Variants in TMEM38B observed in about 807,000 individuals in gnomAD.
TMEM38B encodes the protein transmembrane protein 38B, also known as trimeric intracellular cation channel type B.
Under a neutral mutation model 28.7 loss-of-function variants are expected in TMEM38B, and 24 were observed. That is an observed-to-expected ratio of 0.84 (90% confidence interval 0.61 to 1.18). The LOEUF (loss-of-function observed/expected upper bound fraction) is 1.18. TMEM38B is among the 50% of genes most tolerant of loss of function. The probability of loss-of-function intolerance (pLI) is 0.00; values close to 1 mark genes in which losing one functional copy is unlikely to be tolerated. For missense variants in TMEM38B, 380 were observed against 350.9 expected, an observed-to-expected ratio of 1.08 and a Z score of -0.66; for synonymous variants, 131 against 127.7, an observed-to-expected ratio of 1.03 and a Z score of -0.17.
At chr9:105,751,372 G>A (rs7031360) in intron 5 of TMEM38B, among the ~76,000 whole-genome samples, 35,234 of 152,026 alleles carry the variant, frequency 0.23, 6,709 homozygotes, top group African/African-American at 0.5. Context: ...GGACCTTTGC[G>A]ACCCGTAGAT....
In TMEM38B at chr9:105,760,402, C is replaced by T. The variant is rs1837996773; in HGVS notation, c.660+12212C>T. The T allele has an allele frequency of 1.5e-5, 11 of 743,258 alleles. No homozygotes were observed. The South Asian group carries it at 1.6e-4, about 11-fold the overall frequency. The allele number at this position is 743,258 out of a possible 1,614,324, so 46.0% of individuals were successfully genotyped here. ...TTATTTACAGACTGCAGTGGAAAAA[C>T]ATCTTGAATACTTAAAAAAGGGACA... On this transcript the variant is annotated intron_variant, in intron 5 of 5. Coordinates refer to ENST00000374692, the MANE Select transcript of TMEM38B (RefSeq NM_018112.3).
chr9:105,711,228 G>A (rs1433222523), intron 2 of TMEM38B, among the ~76,000 whole-genome samples: 4 of 150,064 alleles, frequency 2.7e-5, no homozygotes, highest in African/African-American at 7.4e-5. Flanking sequence ...ATCACCTGAG[G>A]TCAGGAGTTC....
At chr9:105,702,252 G>C (rs1268064883) in intron 1 of TMEM38B, among the ~76,000 whole-genome samples, 5 of 151,124 alleles carry the variant, frequency 3.3e-5, no homozygotes, top group African/African-American at 1.2e-4. Flanking sequence ...ATCTATAAAG[G>C]GGAAAGACTA....
At position 105,706,373 on chromosome 9, in the gene TMEM38B, G is replaced by A. The variant is rs574441493; in HGVS notation, c.269+620G>A. ...GTGGCGCGCTCTCAGCTTGTTGCGG[G>A]ACGCAGAGGATTAGAGAGACCAGTA... On this transcript the variant is annotated intron_variant, in intron 2 of 5. Transcript: ENST00000374692. 2.0e-5 allele frequency among the ~76,000 whole-genome samples: 3 copies of A among 152,374 alleles called. No individual in the cohort carries two copies. The South Asian group carries it at 6.2e-4, about 32-fold the overall frequency.
rs149108679 is a variant in TMEM38B, at chr9:105,737,578, C to T, written c.543-10495C>T. Among the ~76,000 whole-genome samples, 740 of 152,294 alleles carry T rather than the reference C, an allele frequency of 4.9e-3. 2 individuals carry two copies. Among genetic ancestry groups the T allele is most frequent in the Non-Finnish European group, 7.8e-3 (532 of 68,010 alleles). Reference sequence around the variant, plus strand: ...TACTCTCTGAGGAAGTGGGATGCCTCAGCAGCGTAGACGCTGGGGACTAGT... The same window carrying T: ...TACTCTCTGAGGAAGTGGGATGCCTTAGCAGCGTAGACGCTGGGGACTAGT... On this transcript the variant is annotated intron_variant, in intron 4 of 5. Coordinates refer to ENST00000374692, the MANE Select transcript of TMEM38B (RefSeq NM_018112.3).
At chr9:105,768,205 T>TG (rs1826439313) in intron 5 of TMEM38B, among the ~76,000 whole-genome samples, 1 of 152,176 alleles carries the variant, frequency 6.6e-6, no homozygotes, top group Non-Finnish European at 1.5e-5. Context: ...TTTTCTCTTA[T>TG]ATTCTGTTAA....
intron 2 of TMEM38B, chr9:105,710,381 G>A (rs780753768): frequency 1.8e-5 from 15 of 818,484 alleles, no homozygotes; most frequent in Non-Finnish European, 2.7e-5. Flanking sequence ...GTTATGAAAA[G>A]ACTGACTTCA....
At chr9:105,734,373 T>G (rs1296149842) in intron 4 of TMEM38B, among the ~76,000 whole-genome samples, 1 of 152,198 alleles carries the variant, frequency 6.6e-6, no homozygotes, top group African/African-American at 2.4e-5. Context: ...TGGTCCATCC[T>G]GGAGAATGTT....
chr9:105,730,245 A>G (rs1292809125), intron 4 of TMEM38B, among the ~76,000 whole-genome samples: 1 of 152,184 alleles, frequency 6.6e-6, no homozygotes, highest in Non-Finnish European at 1.5e-5. Context: ...ATTTTGAGAT[A>G]CGTTTCAGCA....
At chr9:105,747,255 C>T (rs1381363343) in intron 4 of TMEM38B, among the ~76,000 whole-genome samples, 1 of 152,146 alleles carries the variant, frequency 6.6e-6, no homozygotes, top group Admixed American at 6.5e-5. Context: ...AATTTCAGAG[C>T]CTGTTATTGG....
At chr9:105,749,422 A>T (rs1333567390) in intron 5 of TMEM38B, 1 of 177,836 alleles carries the variant, frequency 5.6e-6, no homozygotes, top group Non-Finnish European at 1.2e-5. Flanking sequence ...CATTTATAAA[A>T]CCATCAGATT....
At chr9:105,724,023 A>G (rs1836421057) in intron 4 of TMEM38B, among the ~76,000 whole-genome samples, 1 of 151,504 alleles carries the variant, frequency 6.6e-6, no homozygotes. Flanking sequence ...TTTAGTTGAG[A>G]TGTGGTTTCA....
chr9:105,736,637 T>A (rs1324395060), intron 4 of TMEM38B, among the ~76,000 whole-genome samples: 1 of 152,248 alleles, frequency 6.6e-6, no homozygotes, highest in Non-Finnish European at 1.5e-5. Flanking sequence ...GGAGAATTAC[T>A]GTGTTTCTTT....
rs771146158 is a variant in TMEM38B, at chr9:105,710,791, G to A, written c.269+5038G>A. On this transcript the variant is annotated intron_variant, in intron 2 of 5. Transcript: ENST00000374692. The stretch of plus-strand genomic sequence containing the variant: ...GCAGGTAGCGGGACATGAAGGCTGC[G>A]TGTCTCCACTGGGTGCACTAACGGG... 24 of 489,606 alleles carry A rather than the reference G, an allele frequency of 4.9e-5. No homozygotes were observed. In the Middle Eastern group the frequency reaches 1.2e-3, roughly 24 times the overall value. The allele number at this position is 489,606 out of a possible 1,614,324, so 30.3% of individuals were successfully genotyped here. A position where few individuals can be genotyped will look rare whatever the true frequency, so the allele number is the denominator to read the frequency against.
Position 105,770,388 on chromosome 9 carries a change from C to T in TMEM38B, c.661-3477C>T, listed in dbSNP as rs563451658. ...ATTTGTTGACTGACTAATAAATGAT[C>T]AAAATGCTCTTTCACAGGTTTATTT... On this transcript the variant is annotated intron_variant, in intron 5 of 5. Coordinates refer to ENST00000374692, the MANE Select transcript of TMEM38B (RefSeq NM_018112.3). Among the ~76,000 whole-genome samples the T allele has an allele frequency of 2.6e-5, 4 of 152,140 alleles. No individual in the cohort carries two copies. The South Asian group carries it at 8.3e-4, about 32-fold the overall frequency.
chr9:105,747,485 T>G (rs548411828), intron 4 of TMEM38B, among the ~76,000 whole-genome samples: 1 of 152,262 alleles, frequency 6.6e-6, no homozygotes, highest in South Asian at 2.1e-4. Context: ...TTATTAGTCT[T>G]GCTAGCGGTC....
chr9:105,748,239 C>T, intron 5 of TMEM38B, 49 bp downstream of exon 5: 1 of 1,333,542 alleles, frequency 7.5e-7, no homozygotes, highest in Non-Finnish European at 1.1e-6. Flanking sequence ...TATAACTATT[C>T]CCCTTTGATA....
At chr9:105,695,895 T>G (rs1835270823) in intron 1 of TMEM38B, among the ~76,000 whole-genome samples, 1 of 152,228 alleles carries the variant, frequency 6.6e-6, no homozygotes, top group Non-Finnish European at 1.5e-5. Flanking sequence ...ATTATCTGCA[T>G]AAGATATTAT....
In TMEM38B at chr9:105,774,107, A is replaced by G; in HGVS notation, c.*27A>G. The G allele has an allele frequency of 1.3e-6, 2 of 1,592,702 alleles. No individual in the cohort carries two copies. Among genetic ancestry groups the G allele is most frequent in the Non-Finnish European group, 1.7e-6 (2 of 1,167,786 alleles). The stretch of plus-strand genomic sequence containing the variant: ...TTTACGTGATGAGCTCTACAAGGCC[A>G]AAAATTTTTTTTCTTATCTACCTGT... On this transcript the variant is annotated 3_prime_UTR_variant, in exon 6 of 6. Coordinates refer to ENST00000374692, the MANE Select transcript of TMEM38B (RefSeq NM_018112.3).
Sources: allele counts gnomAD v4.1 joint callset (sites outside exome capture counted in the v4.1 genomes callset), GRCh38; gene constraint gnomAD v4.1.1; transcripts MANE v1.5; gene names NCBI Gene and HGNC (gene_info 2026-07-23, HGNC 2026-07-21).